GPRASP3: variants seen among roughly 807,000 people sequenced by gnomAD.
GPRASP3 encodes the protein G protein-coupled receptor associated sorting protein 3.
At chrX:102,723,430 C>T in the GPRASP3 span, among the ~76,000 whole-genome samples, 1 of 111,494 alleles carries the variant, frequency 9.0e-6, no homozygotes, top group Non-Finnish European at 1.9e-5. Context: ...GTCTCCTACC[C>T]TCTCCTATTA....
chrX:102,734,402 A>T, the GPRASP3 span, among the ~76,000 whole-genome samples: 1 of 112,373 alleles, frequency 8.9e-6, no homozygotes, highest in African/African-American at 3.2e-5. Flanking sequence ...GCGGATCAAA[A>T]GGTCAGGAGT....
chrX:102,725,357 T>G, the GPRASP3 span, among the ~76,000 whole-genome samples: 1 of 111,737 alleles, frequency 8.9e-6, no homozygotes, highest in East Asian at 2.8e-4. Flanking sequence ...ATCTTCAATG[T>G]TCTTACCCTT....
the GPRASP3 span, among the ~76,000 whole-genome samples, chrX:102,742,247 C>T: frequency 9.0e-6 from 1 of 111,464 alleles, no homozygotes; most frequent in Non-Finnish European, 1.9e-5. Context: ...TGGGTGTAGG[C>T]CAAACTAACC....
chrX:102,750,306 C>T, the GPRASP3 span: 1 of 1,210,006 alleles, frequency 8.3e-7, no homozygotes, highest in Non-Finnish European at 1.1e-6. Flanking sequence ...CTGATTTTGT[C>T]CATCACTACA....
At chrX:102,729,542 GAAGAATAT>G in the GPRASP3 span, among the ~76,000 whole-genome samples, 1 of 112,313 alleles carries the variant, frequency 8.9e-6, no homozygotes, top group African/African-American at 3.2e-5. Context: ...CTCTCCCTGA[GAAGAATAT>G]TTAGGGAAAT....
the GPRASP3 span, among the ~76,000 whole-genome samples, chrX:102,729,445 C>G: frequency 1.8e-5 from 2 of 112,266 alleles, no homozygotes; most frequent in African/African-American, 6.5e-5. Context: ...TTCCTCTCCT[C>G]TGCACTTCAC....
At chrX:102,737,569 C>T in the GPRASP3 span, among the ~76,000 whole-genome samples, 20 of 111,691 alleles carry the variant, frequency 1.8e-4, no homozygotes, top group South Asian at 7.2e-3. Context: ...GAATTCCTAC[C>T]AGTCTACCAG....
At chrX:102,728,569 CTTTTTTTTTTTT>C in the GPRASP3 span, among the ~76,000 whole-genome samples, 4 of 61,784 alleles carry the variant, frequency 6.5e-5, no homozygotes, top group African/African-American at 2.1e-4. Flanking sequence ...ATGTGCACTG[CTTTTTTTTTTTT>C]TTTTTTTTTT....
the GPRASP3 span, among the ~76,000 whole-genome samples, chrX:102,727,791 G>A: frequency 8.9e-6 from 1 of 112,682 alleles, no homozygotes; most frequent in Admixed American, 9.4e-5. Context: ...ATATACACAT[G>A]TTGTGCAGGA....
the GPRASP3 span, among the ~76,000 whole-genome samples, chrX:102,745,499 C>T: frequency 9.0e-6 from 1 of 111,077 alleles, no homozygotes; most frequent in Admixed American, 9.5e-5. Flanking sequence ...ACAAGAGGAC[C>T]ACCCTAGAGG....
the GPRASP3 span, chrX:102,749,899 A>C: frequency 1.3e-5 from 16 of 1,206,806 alleles, no homozygotes; most frequent in Non-Finnish European, 1.5e-5. Context: ...AATCAGGATC[A>C]GGGAGGTAAA....
the GPRASP3 span, chrX:102,749,905 G>A: frequency 2.2e-5 from 27 of 1,207,226 alleles, no homozygotes; most frequent in Non-Finnish European, 2.8e-5. Context: ...GATCAGGGAG[G>A]TAAATGGGAT....
the GPRASP3 span, chrX:102,747,497 C>T: frequency 8.9e-6 from 1 of 111,885 alleles, no homozygotes; most frequent in East Asian, 2.8e-4. Context: ...ATTAAAATAA[C>T]AGTCTCCATT....
At chrX:102,750,191 G>A in the GPRASP3 span, 11 of 1,204,950 alleles carry the variant, frequency 9.1e-6, no homozygotes, top group South Asian at 1.1e-4. Flanking sequence ...GAAAGACAAC[G>A]CAAAATTGAA....
At chrX:102,722,539 T>C in the GPRASP3 span, among the ~76,000 whole-genome samples, 1 of 112,098 alleles carries the variant, frequency 8.9e-6, no homozygotes, top group East Asian at 2.8e-4. Context: ...AGCCCCTCTC[T>C]TCTCCTTGGA....
the GPRASP3 span, among the ~76,000 whole-genome samples, chrX:102,731,635 GA>G: frequency 1.5e-3 from 161 of 106,558 alleles, no homozygotes; most frequent in African/African-American, 5.0e-3. Context: ...AAAAAAAAAA[GA>G]AAAAAAAAGG....
At chrX:102,723,826 A>G in the GPRASP3 span, among the ~76,000 whole-genome samples, 1 of 111,442 alleles carries the variant, frequency 9.0e-6, no homozygotes, top group Non-Finnish European at 1.9e-5. Context: ...ATTAAGTTCA[A>G]TCACAACCAA....
At chrX:102,749,699 C>G in the GPRASP3 span, 1 of 1,210,934 alleles carries the variant, frequency 8.3e-7, no homozygotes, top group Non-Finnish European at 1.1e-6. Context: ...GGATTTAGAT[C>G]CCAGGCACCA....
the GPRASP3 span, among the ~76,000 whole-genome samples, chrX:102,743,256 C>T: frequency 9.1e-6 from 1 of 109,837 alleles, no homozygotes; most frequent in African/African-American, 3.3e-5. Context: ...AAGCAGTTCC[C>T]AGCTTTACTT....
Sources: allele counts gnomAD v4.1 joint callset (sites outside exome capture counted in the v4.1 genomes callset), GRCh38; gene constraint gnomAD v4.1.1; transcripts MANE v1.5; gene names NCBI Gene and HGNC (gene_info 2026-07-23, HGNC 2026-07-21).